GNAS-AS1: variants seen among roughly 807,000 people sequenced by gnomAD.
GNAS-AS1 encodes GNAS antisense RNA 1.
chr20:58,835,657 T>C (rs1195482573), intron 4 of GNAS-AS1, among the ~76,000 whole-genome samples: 1 of 152,212 alleles, frequency 6.6e-6, no homozygotes, highest in Non-Finnish European at 1.5e-5. Context: ...CTGGTTTTAA[T>C]ATTTGGGGGC....
intron 4 of GNAS-AS1, among the ~76,000 whole-genome samples, chr20:58,835,147 G>C (rs905238018): frequency 3.9e-5 from 6 of 152,070 alleles, no homozygotes; most frequent in Non-Finnish European, 7.4e-5. Context: ...CTGGCTGATT[G>C]CCACAGTGAG....
chr20:58,849,053 G>A (rs1027017452), intron 1 of GNAS-AS1: 4 of 393,028 alleles, frequency 1.0e-5, no homozygotes, highest in Admixed American at 4.4e-5. Flanking sequence ...TCAGCTTATA[G>A]TGGTGATTTT....
chr20:58,825,723 G>A (rs575911616), intron 4 of GNAS-AS1, among the ~76,000 whole-genome samples: 5 of 152,172 alleles, frequency 3.3e-5, no homozygotes, highest in Admixed American at 6.5e-5. Flanking sequence ...GTACTTTTGC[G>A]CTTAGATGGT....
intron 4 of GNAS-AS1, among the ~76,000 whole-genome samples, chr20:58,830,573 ACAC>A (rs1775717274): frequency 2.4e-5 from 1 of 41,238 alleles, no homozygotes; most frequent in African/African-American, 9.3e-5. Context: ...CACCACCACC[ACAC>A]CACCACCACC....
chr20:58,841,961 C>A lies in GNAS-AS1; in HGVS notation n.795G>T. 1 of 1,116,360 alleles carries A rather than the reference C, an allele frequency of 9.0e-7. No homozygotes were observed. The highest frequency in any genetic ancestry group is 4.5e-5 in the South Asian group (1 of 22,078). The allele number at this position is 1,116,360 out of a possible 1,614,324, so 69.2% of individuals were successfully genotyped here. A position where few individuals can be genotyped will look rare whatever the true frequency, so the allele number is the denominator to read the frequency against. The stretch of plus-strand genomic sequence containing the variant: ...CAATTCGTTTCCAAAGAGCGCGGTA[C>A]GCGCAGAGCTGGGGAAAGGTGTTGG... On this transcript the variant is annotated non_coding_transcript_exon_variant, in exon 4 of 5. Transcript: ENST00000424094. The surrounding 1 kb of genome is among the most constrained non-coding windows in gnomAD (Gnocchi z 5.0).
rs946356852 is a variant in GNAS-AS1, at chr20:58,842,272, AATTG to A, written n.527-47_527-44del. The A allele has an allele frequency of 2.0e-5, 8 of 398,074 alleles. No homozygotes were observed. In the Admixed American group the frequency reaches 3.5e-4, roughly 18 times the overall value. 24.7% of individuals were successfully genotyped at this position (398,074 alleles called of 1,614,324 possible). On this transcript the variant is annotated intron_variant and non_coding_transcript_variant, in intron 3 of 4. Transcript: ENST00000424094. ...TTTAAAAAATCTCATCCGACTTGGA[AATTG>A]ATTTTTTTTTTCCTGGTGTGCGTGT...
Position 58,844,411 on chromosome 20 carries a change from T to TTGTG in GNAS-AS1, n.414-1870_414-1867dup, listed in dbSNP as rs576412820. On this transcript the variant is annotated intron_variant and non_coding_transcript_variant, in intron 2 of 4. Coordinates refer to ENST00000424094, the Ensembl canonical transcript of GNAS-AS1. ...ATGAGAGATGGAATTTCTTGTTCTG[T>TTGTG]TGTGGGGTTTTGACACTAATGACTC... 1.1e-4 allele frequency among the ~76,000 whole-genome samples: 17 copies of TTGTG among 152,304 alleles called. No individual in the cohort carries two copies. The South Asian group carries it at 3.5e-3, about 32-fold the overall frequency.
chr20:58,844,476 A>T (rs1464776631), intron 2 of GNAS-AS1, among the ~76,000 whole-genome samples: 3 of 152,168 alleles, frequency 2.0e-5, no homozygotes, highest in African/African-American at 7.2e-5. Context: ...GAGCAGTGGG[A>T]TCTAAGACGA....
intron 4 of GNAS-AS1, among the ~76,000 whole-genome samples, chr20:58,830,573 A>ATCACCAC (rs1404827826): frequency 2.4e-5 from 1 of 41,242 alleles, no homozygotes; most frequent in Non-Finnish European, 5.1e-5. Flanking sequence ...CACCACCACC[A>ATCACCAC]CACCACCACC....
intron 4 of GNAS-AS1, chr20:58,839,163 G>A: frequency 5.0e-6 from 2 of 398,492 alleles, no homozygotes; most frequent in Non-Finnish European, 8.8e-6. Flanking sequence ...TACCTCAACC[G>A]TGGGGGCCCT....
intron 4 of GNAS-AS1, among the ~76,000 whole-genome samples, chr20:58,822,868 G>A (rs867664586): frequency 6.6e-6 from 1 of 152,128 alleles, no homozygotes; most frequent in Non-Finnish European, 1.5e-5. Flanking sequence ...TGAACCACCA[G>A]CTCTGCTCCC....
At chr20:58,843,136 C>G (rs2085802974) in intron 2 of GNAS-AS1, among the ~76,000 whole-genome samples, 1 of 152,150 alleles carries the variant, frequency 6.6e-6, no homozygotes, top group African/African-American at 2.4e-5. Flanking sequence ...ATCTGCATTA[C>G]AGCCCAATTG....
At chr20:58,850,880 G>T (rs1477938026) in exon 1 of GNAS-AS1, 1 of 398,638 alleles carries the variant, frequency 2.5e-6, no homozygotes, top group Non-Finnish European at 4.4e-6. Flanking sequence ...CACCTCTTCG[G>T]GCGTTCCAAC....
intron 2 of GNAS-AS1, among the ~76,000 whole-genome samples, chr20:58,845,425 T>A (rs1005392149): frequency 1.3e-5 from 2 of 152,146 alleles, no homozygotes; most frequent in Non-Finnish European, 1.5e-5. Flanking sequence ...GACCCCACTG[T>A]CTGTTTATGC....
At chr20:58,831,204 A>G (rs1207085232) in intron 4 of GNAS-AS1, among the ~76,000 whole-genome samples, 1 of 152,244 alleles carries the variant, frequency 6.6e-6, no homozygotes, top group African/African-American at 2.4e-5. Flanking sequence ...GGAGGTTCCT[A>G]GATTTTGAGA....
chr20:58,839,292 T>C (rs1464083599), intron 4 of GNAS-AS1: 4 of 398,586 alleles, frequency 1.0e-5, no homozygotes, highest in African/African-American at 6.2e-5. Flanking sequence ...GATTAATGGC[T>C]GCCCGAAGTT....
At chr20:58,839,830 G>A (rs2085653576) in intron 4 of GNAS-AS1, 1 of 593,446 alleles carries the variant, frequency 1.7e-6, no homozygotes, top group South Asian at 2.1e-5. Flanking sequence ...AAGACTCAGC[G>A]AGAGGAGCCC....
intron 4 of GNAS-AS1, among the ~76,000 whole-genome samples, chr20:58,820,075 T>A (rs6026545): frequency 0.58 from 88,265 of 152,112 alleles, 25,992 homozygotes; most frequent in South Asian, 0.68. Context: ...GTTCTCAATC[T>A]CCAGAGTTCA....
At chr20:58,825,012 T>G (rs909510988) in intron 4 of GNAS-AS1, among the ~76,000 whole-genome samples, 1 of 152,170 alleles carries the variant, frequency 6.6e-6, no homozygotes, top group Non-Finnish European at 1.5e-5. Context: ...TCGCTGGGGC[T>G]TGGGACACAG....
Sources: allele counts gnomAD v4.1 joint callset (sites outside exome capture counted in the v4.1 genomes callset), GRCh38; gene constraint gnomAD v4.1.1; non-coding constraint Gnocchi (gnomAD v3.1); transcripts MANE v1.5; gene names NCBI Gene and HGNC (gene_info 2026-07-23, HGNC 2026-07-21).